The following CAPZB variants were observed in gnomAD, a reference collection of about 807,000 sequenced individuals.
CAPZB encodes the protein capping actin protein of muscle Z-line subunit beta.
Under a neutral mutation model 38.1 loss-of-function variants are expected in CAPZB, and 2 were observed. The ratio of observed to expected loss-of-function variants is 0.05; its 90% CI spans 0.02 to 0.17. The LOEUF is 0.17. CAPZB is among the 10% of genes least tolerant of loss of function. The pLI is 1.00. For missense variants in CAPZB, 161 were observed against 334.2 expected (o/e 0.48, Z 4.04); for synonymous variants, 107 against 127.4 (o/e 0.84, Z 1.08).
At chr1:19,449,842 A>G (rs552781791) in intron 1 of CAPZB, among the ~76,000 whole-genome samples, 42 of 151,328 alleles carry the variant, frequency 2.8e-4, no homozygotes, top group Admixed American at 7.9e-4. Flanking sequence ...CGAGAGAAAG[A>G]GAAAGAAAAA....
chr1:19,346,980 C>T (rs557291974), intron 6 of CAPZB, among the ~76,000 whole-genome samples: 21 of 151,724 alleles, frequency 1.4e-4, no homozygotes, highest in African/African-American at 3.9e-4. Flanking sequence ...CCCACCACCA[C>T]GTCCGGCTTT....
At chr1:19,383,066 C>T (rs1036470399) in intron 3 of CAPZB, among the ~76,000 whole-genome samples, 4 of 149,756 alleles carry the variant, frequency 2.7e-5, no homozygotes, top group African/African-American at 9.9e-5. Context: ...ACTGCTTGAA[C>T]CTAGGAGTTC....
Position 19,419,842 on chromosome 1 carries a change from T to C in CAPZB, c.4-92A>G, listed in dbSNP as rs984921887. 5.1e-6 allele frequency: 4 copies of C among 791,652 alleles called. No individual in the cohort carries two copies. In the African/African-American group the frequency reaches 6.9e-5, roughly 14 times the overall value. 49.0% of individuals were successfully genotyped at this position (791,652 alleles called of 1,614,324 possible). A position where few individuals can be genotyped will look rare whatever the true frequency, so the allele number is the denominator to read the frequency against. On this transcript the variant is annotated intron_variant, in intron 1 of 8. Coordinates refer to ENST00000264202, the MANE Select transcript of CAPZB (RefSeq NM_004930.5). ...AAAAGCATGCTTGCCCAAGGCATTC[T>C]AAAACCCAAAGAGCCACGCAGTGGG...
At chr1:19,339,736 G>A in intron 8 of CAPZB, 119 bp from the exon 9 acceptor site, 1 of 792,678 alleles carries the variant, frequency 1.3e-6, no homozygotes, top group Non-Finnish European at 2.2e-6. Flanking sequence ...TTCCTGGGGT[G>A]AGGCTCTGGG....
intron 3 of CAPZB, among the ~76,000 whole-genome samples, chr1:19,380,155 T>C (rs1356633042): frequency 6.6e-6 from 1 of 152,188 alleles, no homozygotes; most frequent in Non-Finnish European, 1.5e-5. Flanking sequence ...GGCGGCCTCT[T>C]CCACCAGCCA....
intron 2 of CAPZB, among the ~76,000 whole-genome samples, chr1:19,406,124 G>C (rs1222538604): frequency 6.6e-6 from 1 of 152,218 alleles, no homozygotes; most frequent in Non-Finnish European, 1.5e-5. Flanking sequence ...TGTGGCAAAG[G>C]GCAACCGCAA....
chr1:19,460,669 T>A (rs2094548486), intron 1 of CAPZB, among the ~76,000 whole-genome samples: 1 of 140,326 alleles, frequency 7.1e-6, no homozygotes, highest in Non-Finnish European at 1.5e-5. Context: ...CACCTCAGCA[T>A]CACAGAGTGC....
chr1:19,368,662 CT>C (rs55649494), intron 4 of CAPZB, among the ~76,000 whole-genome samples: 45,895 of 132,234 alleles, frequency 0.35, 8,600 homozygotes, highest in East Asian at 0.54. Context: ...GCAAGAATGC[CT>C]TTTTTTTTTT....
At chr1:19,460,064 T>C (rs557248168) in intron 1 of CAPZB, among the ~76,000 whole-genome samples, 31 of 152,044 alleles carry the variant, frequency 2.0e-4, no homozygotes, top group African/African-American at 7.2e-4. Flanking sequence ...CTTGATCTAA[T>C]AAGGAACGAA....
Position 19,371,737 on chromosome 1 carries a change from G to A in CAPZB, c.329+6803C>T, listed in dbSNP as rs1210231196. ...TTTCCCTGGAAAATCTCCCCCTACC[G>A]CCTGCAGTTCCTCCACACTCACGTC... On this transcript the variant is annotated intron_variant, in intron 4 of 8. Coordinates refer to ENST00000264202, the MANE Select transcript of CAPZB (RefSeq NM_004930.5). 4.6e-5 allele frequency among the ~76,000 whole-genome samples: 7 copies of A among 152,268 alleles called. No individual in the cohort carries two copies. The East Asian group carries it at 5.8e-4, about 13-fold the overall frequency.
In CAPZB at chr1:19,406,170, G is replaced by T. The variant is rs147846376; in HGVS notation, c.93+13491C>A. On this transcript the variant is annotated intron_variant, in intron 2 of 8. Transcript: ENST00000264202. ...TAGTGAATAAGAAGTGTCCGGCCCA[G>T]TGAGGGCCAATGACCCAAAAAAGGA... Among the ~76,000 whole-genome samples the T allele has an allele frequency of 4.3e-3, 656 of 152,346 alleles. 12 individuals are homozygous for T. Among genetic ancestry groups the T allele is most frequent in the African/African-American group, 0.015 (634 of 41,566 alleles).
In CAPZB at chr1:19,343,651, G is replaced by A. The variant is rs140287708; in HGVS notation, c.731+707C>T. ...CAAGGCCAGTGCTCCCTCCACAGCC[G>A]TTTACTGCCCCCAGCTGGGCTCTGG... On this transcript the variant is annotated intron_variant, in intron 8 of 8. Coordinates refer to ENST00000264202, the MANE Select transcript of CAPZB (RefSeq NM_004930.5). Among the ~76,000 whole-genome samples, 878 of 152,286 alleles carry A rather than the reference G, an allele frequency of 5.8e-3. 6 individuals are homozygous for A. The highest frequency in any genetic ancestry group is 0.019 in the African/African-American group (792 of 41,566).
chr1:19,400,408 G>A (rs533416119), intron 2 of CAPZB, among the ~76,000 whole-genome samples: 4 of 152,278 alleles, frequency 2.6e-5, no homozygotes, highest in East Asian at 1.9e-4. Context: ...CAGACTGAGC[G>A]TGCCATGCCC....
At chr1:19,407,709 C>T (rs1480621450) in intron 2 of CAPZB, among the ~76,000 whole-genome samples, 1 of 152,170 alleles carries the variant, frequency 6.6e-6, no homozygotes, top group Non-Finnish European at 1.5e-5. Flanking sequence ...TCCTTCCTGC[C>T]GCCTTAGACC....
intron 3 of CAPZB, among the ~76,000 whole-genome samples, chr1:19,381,784 C>T (rs1235425855): frequency 6.8e-6 from 1 of 147,908 alleles, no homozygotes; most frequent in Non-Finnish European, 1.5e-5. Context: ...CCTGTGTCTC[C>T]TGGGTTCAAG....
chr1:19,417,357 T>C (rs771890421), intron 2 of CAPZB, among the ~76,000 whole-genome samples: 38 of 152,248 alleles, frequency 2.5e-4, no homozygotes, highest in Non-Finnish European at 4.8e-4. Context: ...AAACTAAATT[T>C]AAACTCAGCC....
chr1:19,388,528 A>C (rs1339775697), intron 2 of CAPZB, among the ~76,000 whole-genome samples: 2 of 152,236 alleles, frequency 1.3e-5, no homozygotes, highest in Non-Finnish European at 2.9e-5. Flanking sequence ...ACTAAATCTG[A>C]ATGGATGCTG....
chr1:19,479,746 A>C lies in CAPZB; in HGVS notation c.3+5690T>G, dbSNP rs142028216. Among the ~76,000 whole-genome samples the C allele has an allele frequency of 6.2e-3, 946 of 151,932 alleles. 7 individuals carry two copies. The highest frequency in any genetic ancestry group is 0.022 in the African/African-American group (891 of 41,384). Reference sequence around the variant, plus strand: ...GCCAGAGGGCTCTTCCTAAAATACCACCGCTCTGCCAGCCTCCTCGAATTT... The same window carrying C: ...GCCAGAGGGCTCTTCCTAAAATACCCCCGCTCTGCCAGCCTCCTCGAATTT... On this transcript the variant is annotated intron_variant, in intron 1 of 8. Transcript: ENST00000264202.
At chr1:19,368,239 C>T (rs1374931850) in intron 4 of CAPZB, among the ~76,000 whole-genome samples, 2 of 152,158 alleles carry the variant, frequency 1.3e-5, no homozygotes, top group African/African-American at 4.8e-5. Context: ...CCTGGCCATC[C>T]TGAGACGTGC....
Sources: allele counts gnomAD v4.1 joint callset (sites outside exome capture counted in the v4.1 genomes callset), GRCh38; gene constraint gnomAD v4.1.1; transcripts MANE v1.5; gene names NCBI Gene and HGNC (gene_info 2026-07-23, HGNC 2026-07-21).